TP73: variants seen among roughly 807,000 people sequenced by gnomAD.
TP73 encodes the protein tumor protein p73.
A neutral mutation model predicts 62.5 loss-of-function variants in TP73; 25 were observed. The ratio of observed to expected loss-of-function variants is 0.40; its 90% CI spans 0.29 to 0.56. TP73 has a LOEUF of 0.56. TP73 is among the 20% of genes least tolerant of loss of function. The probability of loss-of-function intolerance (pLI) is 0.46; values close to 1 mark genes in which losing one functional copy is unlikely to be tolerated. For synonymous variants in TP73, 423 were observed against 377.5 expected, an observed-to-expected ratio of 1.12 and a Z score of -1.40; for missense variants, 754 against 913.3, an observed-to-expected ratio of 0.83 and a Z score of 2.25.
At chr1:3,728,565 C>A (rs536429589) in intron 9 of TP73, among the ~76,000 whole-genome samples, 1 of 152,250 alleles carries the variant, frequency 6.6e-6, no homozygotes. Context: ...CCCGTGGCCA[C>A]GGCCAGCCCC....
chr1:3,706,328 T>C (rs55976062), intron 3 of TP73, among the ~76,000 whole-genome samples: 33,789 of 125,610 alleles, frequency 0.27, 5,156 homozygotes, highest in Middle Eastern at 0.32. Flanking sequence ...ACCGCAGGCC[T>C]GGGGAGAGGG....
At chr1:3,654,640 A>G (rs1303076730) in intron 1 of TP73, among the ~76,000 whole-genome samples, 2 of 152,230 alleles carry the variant, frequency 1.3e-5, no homozygotes, top group East Asian at 3.9e-4. Context: ...GTCCTCACAC[A>G]TGATGGCTTC....
intron 3 of TP73, chr1:3,690,803 CG>C: frequency 2.6e-6 from 4 of 1,531,514 alleles, no homozygotes; most frequent in Non-Finnish European, 3.5e-6. Context: ...TCCACGCTGC[CG>C]GGCGGCCACG....
intron 6 of TP73, among the ~76,000 whole-genome samples, 186 bp from the exon 7 acceptor site, chr1:3,726,929 G>A (rs1641696899): frequency 6.6e-6 from 1 of 151,882 alleles, no homozygotes; most frequent in Admixed American, 6.6e-5. Flanking sequence ...ACGGATGGAT[G>A]GATGGATGGG....
intron 3 of TP73, among the ~76,000 whole-genome samples, chr1:3,705,329 C>A (rs1639536945): frequency 6.6e-6 from 1 of 152,248 alleles, no homozygotes; most frequent in Non-Finnish European, 1.5e-5. Context: ...CCCTGGGCTC[C>A]TGGGAAGGAC....
At chr1:3,721,946 TC>T in intron 4 of TP73, 74 bp from the exon 5 acceptor site, 1 of 1,478,846 alleles carries the variant, frequency 6.8e-7, no homozygotes, top group South Asian at 1.3e-5. Flanking sequence ...AGGACGTGGC[TC>T]CCAATGGGGG....
chr1:3,729,830 G>C (rs2124536095), intron 10 of TP73, 170 bp from the exon 11 acceptor site: 2 of 1,022,294 alleles, frequency 2.0e-6, no homozygotes, highest in East Asian at 5.3e-5. Context: ...CGCAGGCCCA[G>C]TGGCCGTGCA....
intron 9 of TP73, among the ~76,000 whole-genome samples, chr1:3,728,543 C>T (rs1174762103): frequency 3.3e-5 from 5 of 152,236 alleles, no homozygotes; most frequent in African/African-American, 9.6e-5. Context: ...AGGACCCTAA[C>T]GTTGGCCAGG....
At chr1:3,731,173 C>A in intron 12 of TP73, 108 bp downstream of exon 12, 1 of 1,458,344 alleles carries the variant, frequency 6.9e-7, no homozygotes, top group South Asian at 1.3e-5. Context: ...TCACCACTCG[C>A]AACCCTGGAT....
intron 6 of TP73, among the ~76,000 whole-genome samples, chr1:3,724,791 G>A (rs1641369130): frequency 6.6e-6 from 1 of 152,242 alleles, no homozygotes; most frequent in African/African-American, 2.4e-5. Flanking sequence ...GGCCAAGGCG[G>A]GTGGATCACT....
At chr1:3,660,098 T>G (rs80303864) in intron 1 of TP73, among the ~76,000 whole-genome samples, 1 of 152,208 alleles carries the variant, frequency 6.6e-6, no homozygotes, top group Admixed American at 6.5e-5. Flanking sequence ...TCAGCTTTGC[T>G]GGAACTTTTA....
chr1:3,730,315 T>C (rs1004328796), intron 11 of TP73, among the ~76,000 whole-genome samples, 167 bp downstream of exon 11: 7 of 152,182 alleles, frequency 4.6e-5, no homozygotes, highest in African/African-American at 7.2e-5. Context: ...CGGATAGCCC[T>C]CTCTGCCCAC....
rs373380143 is a variant in TP73 at position 3,733,131 on chromosome 1, C to A, written c.*52C>A. ...CACCGCCCAGAGACCCAAGCTGCCT[C>A]CCCTCTCCTTCCTGTGTGTCCAAAA... On this transcript the variant is annotated 3_prime_UTR_variant, in exon 14 of 14. Coordinates refer to ENST00000378295, the MANE Select transcript of TP73 (RefSeq NM_005427.4). 38 of 1,476,940 alleles carry A rather than the reference C, an allele frequency of 2.6e-5. 1 individual carries two copies. In the East Asian group the frequency reaches 3.2e-4, roughly 13 times the overall value. 91.5% of individuals were successfully genotyped at this position (1,476,940 alleles called of 1,614,324 possible).
At chr1:3,682,032 C>T (rs1645535318) in intron 1 of TP73, among the ~76,000 whole-genome samples, 1 of 152,224 alleles carries the variant, frequency 6.6e-6, no homozygotes, top group African/African-American at 2.4e-5. Flanking sequence ...TTGCTGTCAC[C>T]CCCTCTTCCA....
chr1:3,712,199 G>C (rs1640207137), intron 4 of TP73: 1 of 152,260 alleles, frequency 6.6e-6, no homozygotes, highest in Non-Finnish European at 1.5e-5. Context: ...AAAGCTGAGG[G>C]AAGAGTTCTA....
intron 12 of TP73, 125 bp from the exon 13 acceptor site, chr1:3,731,338 G>A: frequency 2.8e-6 from 3 of 1,084,560 alleles, no homozygotes; most frequent in Non-Finnish European, 2.7e-6. Context: ...CCACCTGTGG[G>A]CTGGAGCCAC....
At position 3,700,042 on chromosome 1, in the gene TP73, G is replaced by T. The variant is rs544392009; in HGVS notation, c.187-7507G>T. ...TCAGCTCCCAAGGATGGGGTCCCTC[G>T]GGAAGCTGTTATTGCTGTCTACGGG... is the stretch of plus-strand genomic sequence containing the variant. On this transcript the variant is annotated intron_variant, in intron 3 of 13. Coordinates refer to ENST00000378295, the MANE Select transcript of TP73 (RefSeq NM_005427.4). Among the ~76,000 whole-genome samples the T allele has an allele frequency of 2.0e-5, 3 of 152,018 alleles. No individual in the cohort carries two copies. In the East Asian group the frequency reaches 5.8e-4, roughly 30 times the overall value.
At chr1:3,692,705 C>T (rs1011234250) in intron 3 of TP73, among the ~76,000 whole-genome samples, 2 of 151,976 alleles carry the variant, frequency 1.3e-5, no homozygotes, top group Non-Finnish European at 2.9e-5. Flanking sequence ...CCTGGCCAGC[C>T]GAGAAGCCTG....
chr1:3,722,195 G>C lies in TP73; in HGVS notation c.604G>C (p.Asp202His). The C allele has an allele frequency of 6.2e-7, 1 of 1,612,584 alleles. No individual in the cohort carries two copies. The highest frequency in any genetic ancestry group is 8.5e-7 in the Non-Finnish European group (1 of 1,179,838). Residue 202 changes from aspartate to histidine, a missense_variant, in exon 5 of 14, where the codon GAC becomes CAC. Around this residue, in one of 3 missense-constraint regions of TP73, gnomAD observed 61 missense variants for 133.2 expected, o/e 0.46. Coordinates refer to ENST00000378295, the MANE Select transcript of TP73 (RefSeq NM_005427.4). ...KRCPNHELGR[D>H]FNEGQSAPAS... ...CTGCCCCAACCACGAGCTCGGGAGGGACTTCAACGAAGGTGAGGGCCCCCA... is the reference window on the plus strand; with the variant it reads ...CTGCCCCAACCACGAGCTCGGGAGGCACTTCAACGAAGGTGAGGGCCCCCA...
Sources: allele counts gnomAD v4.1 joint callset (sites outside exome capture counted in the v4.1 genomes callset), GRCh38; gene constraint gnomAD v4.1.1; regional missense constraint gnomAD v4.1.1; transcripts MANE v1.5; gene names NCBI Gene and HGNC (gene_info 2026-07-23, HGNC 2026-07-21).